NKAIN2: variants seen among roughly 807,000 people sequenced by gnomAD.
The protein encoded by NKAIN2 is sodium/potassium-transporting ATPase subunit beta-1-interacting protein 2.
Under a neutral mutation model 32.6 loss-of-function variants are expected in NKAIN2, and 14 were observed. The ratio of observed to expected loss-of-function variants is 0.43; its 90% CI spans 0.28 to 0.67. The LOEUF (loss-of-function observed/expected upper bound fraction) is 0.67. Among genes scored for constraint, NKAIN2 ranks in the 30% least tolerant of loss-of-function variants. The pLI, the probability that NKAIN2 is intolerant of heterozygous loss-of-function variation, is 0.17. For missense variants in NKAIN2, 198 were observed against 258.3 expected (o/e 0.77, Z 1.60); for synonymous variants, 80 against 87.2 (o/e 0.92, Z 0.46).
intron 1 of NKAIN2, among the ~76,000 whole-genome samples, chr6:123,866,730 C>CTGGGTTCT (rs1772539150): frequency 6.6e-6 from 1 of 152,054 alleles, no homozygotes; most frequent in Non-Finnish European, 1.5e-5. Context: ...GCGCCCGGCC[C>CTGGGTTCT]ACAGTTTTAC....
At chr6:124,711,911 C>A (rs1234665861) in intron 4 of NKAIN2, among the ~76,000 whole-genome samples, 1 of 152,038 alleles carries the variant, frequency 6.6e-6, no homozygotes, top group Admixed American at 6.6e-5. Flanking sequence ...TTTAGAGTTT[C>A]CAGTTTTTCT....
At chr6:124,777,014 C>T (rs1779010095) in intron 4 of NKAIN2, among the ~76,000 whole-genome samples, 1 of 152,058 alleles carries the variant, frequency 6.6e-6, no homozygotes, top group Non-Finnish European at 1.5e-5. Context: ...TAGTTGGTTT[C>T]AACCTAAAAT....
intron 2 of NKAIN2, among the ~76,000 whole-genome samples, chr6:124,295,129 G>C (rs1012317872): frequency 6.6e-6 from 1 of 152,056 alleles, no homozygotes; most frequent in African/African-American, 2.4e-5. Flanking sequence ...TTCTCTTCTT[G>C]TTTTGAAAGG....
rs139218105 is a variant in NKAIN2 at position 124,441,290 on chromosome 6, G to C, written c.273+85943G>C. 5.5e-3 allele frequency among the ~76,000 whole-genome samples: 844 copies of C among 152,130 alleles called. 6 individuals carry two copies. Among genetic ancestry groups the C allele is most frequent in the African/African-American group, 0.019 (809 of 41,530 alleles). ...GGCAGAAAAGAATAATCCATACCAT[G>C]ATATATATTAATTCCAATCAAGAGA... On this transcript the variant is annotated intron_variant, in intron 3 of 6. Transcript: ENST00000368417.
At chr6:124,465,797 G>T (rs1342275541) in intron 3 of NKAIN2, among the ~76,000 whole-genome samples, 2 of 151,966 alleles carry the variant, frequency 1.3e-5, no homozygotes, top group South Asian at 2.1e-4. Flanking sequence ...CTGTGAAAGG[G>T]TTGTATGGAA....
chr6:124,787,299 T>A (rs769513090), intron 4 of NKAIN2, among the ~76,000 whole-genome samples: 14 of 151,974 alleles, frequency 9.2e-5, no homozygotes, highest in Non-Finnish European at 1.8e-4. Context: ...CAAACCTACA[T>A]ATGAACCCTA....
chr6:124,396,332 G>A (rs1041687295), intron 3 of NKAIN2, among the ~76,000 whole-genome samples: 2 of 150,378 alleles, frequency 1.3e-5, no homozygotes, highest in African/African-American at 4.9e-5. Context: ...AATTTTTCAA[G>A]CAAAGAGAGT....
intron 4 of NKAIN2, among the ~76,000 whole-genome samples, chr6:124,726,000 G>C (rs369116306): frequency 1.3e-5 from 2 of 152,300 alleles, no homozygotes; most frequent in East Asian, 3.9e-4. Context: ...CTTTTCCGAC[G>C]GGCTTAAAAA....
At chr6:124,456,341 CATCT>C (rs1403295696) in intron 3 of NKAIN2, among the ~76,000 whole-genome samples, 5 of 151,662 alleles carry the variant, frequency 3.3e-5, no homozygotes, top group Admixed American at 6.6e-5. Context: ...CCTAACTATA[CATCT>C]ATCTATCTGT....
chr6:124,124,453 A>C, intron 1 of NKAIN2, among the ~76,000 whole-genome samples: 1 of 152,198 alleles, frequency 6.6e-6, no homozygotes, highest in Non-Finnish European at 1.5e-5. Context: ...ATTATTTGTT[A>C]TGAATAATAG....
intron 3 of NKAIN2, among the ~76,000 whole-genome samples, chr6:124,575,571 G>A (rs1220140373): frequency 6.6e-6 from 1 of 152,162 alleles, no homozygotes; most frequent in African/African-American, 2.4e-5. Context: ...TGTGTGCTCT[G>A]TCTAGTGACA....
intron 2 of NKAIN2, among the ~76,000 whole-genome samples, chr6:124,349,611 T>G (rs1429142093): frequency 6.6e-6 from 1 of 152,184 alleles, no homozygotes; most frequent in Non-Finnish European, 1.5e-5. Flanking sequence ...CAGCTGGTAT[T>G]TAATAAAAGT....
rs1226913633 is a variant in NKAIN2, at chr6:124,825,436, C to T, written c.*2207C>T. On this transcript the variant is annotated 3_prime_UTR_variant, in exon 7 of 7. Transcript: ENST00000368417. The stretch of plus-strand genomic sequence containing the variant: ...TGGGAAAACATCTACAGTTGTACAG[C>T]TGTATCCTCCTCAAAATCCGGTGAA... 2.0e-5 allele frequency: 3 copies of T among 152,566 alleles called. No individual in the cohort carries two copies. The highest frequency in any genetic ancestry group is 4.4e-5 in the Non-Finnish European group (3 of 68,008). 9.5% of individuals were successfully genotyped at this position (152,566 alleles called of 1,614,324 possible). A position where few individuals can be genotyped will look rare whatever the true frequency, so the allele number is the denominator to read the frequency against.
At chr6:124,336,934 G>C (rs1271988262) in intron 2 of NKAIN2, among the ~76,000 whole-genome samples, 1 of 151,980 alleles carries the variant, frequency 6.6e-6, no homozygotes, top group African/African-American at 2.4e-5. Context: ...GCCTCCCAAA[G>C]TGCTGGGATT....
At chr6:124,279,423 C>T (rs971716490) in intron 1 of NKAIN2, among the ~76,000 whole-genome samples, 18 of 149,522 alleles carry the variant, frequency 1.2e-4, no homozygotes, top group African/African-American at 3.5e-4. Context: ...AGGAGAATGG[C>T]GTGAACCTGG....
At chr6:124,190,163 C>T (rs1268391650) in intron 1 of NKAIN2, among the ~76,000 whole-genome samples, 1 of 152,178 alleles carries the variant, frequency 6.6e-6, no homozygotes, top group African/African-American at 2.4e-5. Flanking sequence ...ATAGAGGCCA[C>T]CTCTAATGTT....
At chr6:123,818,971 GGTGTGTGTTTGTCT>G (rs1282923750) in intron 1 of NKAIN2, among the ~76,000 whole-genome samples, 3 of 152,076 alleles carry the variant, frequency 2.0e-5, no homozygotes, top group Non-Finnish European at 4.4e-5. Context: ...TGAGTGGAAA[GGTGTGTGTTTGTCT>G]GTGTGTGTGT....
chr6:124,691,544 C>T (rs1396748453), intron 4 of NKAIN2, among the ~76,000 whole-genome samples: 1 of 152,094 alleles, frequency 6.6e-6, no homozygotes, highest in East Asian at 1.9e-4. Flanking sequence ...CACGTGTTGT[C>T]TCCACTTTTA....
intron 1 of NKAIN2, among the ~76,000 whole-genome samples, chr6:123,922,782 G>T (rs989640812): frequency 5.9e-5 from 9 of 152,126 alleles, no homozygotes; most frequent in African/African-American, 1.9e-4. Flanking sequence ...GAGGTAGGAG[G>T]TAATTAGAAA....
Sources: allele counts gnomAD v4.1 joint callset (sites outside exome capture counted in the v4.1 genomes callset), GRCh38; gene constraint gnomAD v4.1.1; transcripts MANE v1.5; gene names NCBI Gene and HGNC (gene_info 2026-07-23, HGNC 2026-07-21).